The following KLHL7 variants were observed in gnomAD, a reference collection of about 807,000 sequenced individuals.
KLHL7 encodes the protein kelch-like protein 7.
KLHL7 carries 44 observed loss-of-function variants against 67.4 expected under a neutral mutation model. The observed-to-expected ratio is 0.65, with a 90% CI of 0.51 to 0.84. The LOEUF (loss-of-function observed/expected upper bound fraction) is 0.84, where lower values mean the gene tolerates loss of function less well. Among genes scored for constraint, KLHL7 ranks in the 40% least tolerant of loss-of-function variants. KLHL7 has a pLI of 0.00. For missense variants in KLHL7, 362 were observed against 718.1 expected, an observed-to-expected ratio of 0.50 and a Z score of 5.67; for synonymous variants, 252 against 243.3, an observed-to-expected ratio of 1.04 and a Z score of -0.33.
chr7:23,170,876 CAGTT>C (rs895303954), intron 9 of KLHL7, among the ~76,000 whole-genome samples: 4 of 149,952 alleles, frequency 2.7e-5, no homozygotes, highest in African/African-American at 9.8e-5. Context: ...CAATGTGACA[CAGTT>C]TGAGCGGTCA....
At chr7:23,163,259 C>T (rs1016018001) in intron 7 of KLHL7, among the ~76,000 whole-genome samples, 1 of 151,290 alleles carries the variant, frequency 6.6e-6, no homozygotes, top group East Asian at 2.0e-4. Context: ...CAACTTCTGC[C>T]TCCCAGGTTC....
rs556970680 is a variant in KLHL7, at chr7:23,105,795, C to A, written c.-232C>A. 2.3e-5 allele frequency: 13 copies of A among 577,402 alleles called. No individual in the cohort carries two copies. Among genetic ancestry groups the A allele is most frequent in the East Asian group, 3.2e-5 (1 of 31,100 alleles). 35.8% of individuals were successfully genotyped at this position (577,402 alleles called of 1,614,324 possible). ...TCCTGGGCAGGGCTCGGGTTCTGCC[C>A]GGGGACGCAGCCCAGTTGGTAGCGT... On this transcript the variant is annotated 5_prime_UTR_variant, in exon 1 of 11. Coordinates refer to ENST00000339077, the MANE Select transcript of KLHL7 (RefSeq NM_001031710.3).
Position 23,106,095 on chromosome 7 carries a change from A to G in KLHL7, c.69A>G (p.Glu23=), listed in dbSNP as rs2128454618. The change falls in exon 1 of 11, where the codon GAA becomes GAG. Residue 23 remains glutamate, a synonymous_variant. Transcript: ENST00000339077. ...KTEKKLAARE[E]AKLLAGFMGV... ...AGAAGAAACTTGCTGCTCGGGAAGA[A>G]GCTAAATTGTTGGCGGGTTTCATGG... 2 of 1,609,624 alleles carry G rather than the reference A, an allele frequency of 1.2e-6. No individual in the cohort carries two copies. Among genetic ancestry groups the G allele is most frequent in the Non-Finnish European group, 8.5e-7 (1 of 1,178,278 alleles).
chr7:23,156,003 G>A (rs1276411299), intron 7 of KLHL7: 2 of 467,206 alleles, frequency 4.3e-6, no homozygotes, highest in Non-Finnish European at 8.8e-6. Context: ...GAAAAGAGAT[G>A]CATATTCTTC....
chr7:23,137,474 C>T (rs1784018841), intron 4 of KLHL7, among the ~76,000 whole-genome samples: 1 of 146,586 alleles, frequency 6.8e-6, no homozygotes, highest in Non-Finnish European at 1.5e-5. Context: ...AAGGCAGTGA[C>T]CAAAACTGTC....
chr7:23,136,854 T>C (rs1444862504), intron 4 of KLHL7, among the ~76,000 whole-genome samples: 3 of 152,236 alleles, frequency 2.0e-5, no homozygotes, highest in African/African-American at 7.2e-5. Context: ...AACCAAAGTA[T>C]TTCTTAGAAG....
chr7:23,151,097 A>T (rs2390755), intron 6 of KLHL7, among the ~76,000 whole-genome samples: 66,139 of 149,214 alleles, frequency 0.44, 16,418 homozygotes, highest in African/African-American at 0.69. Flanking sequence ...AGTCTGAACA[A>T]TTTTTTCTGG....
intron 1 of KLHL7, among the ~76,000 whole-genome samples, chr7:23,107,781 C>G (rs953349079): frequency 6.6e-6 from 1 of 152,220 alleles, no homozygotes. Flanking sequence ...GCCAGGTTCT[C>G]CTGTTGTCAG....
intron 4 of KLHL7, among the ~76,000 whole-genome samples, chr7:23,134,997 C>A (rs1783927419): frequency 1.3e-5 from 2 of 151,924 alleles, no homozygotes; most frequent in Non-Finnish European, 2.9e-5. Flanking sequence ...TTTGCTCTTG[C>A]TTTTCTAGTT....
rs969209607 is a variant in KLHL7, at chr7:23,176,359, G to C, written c.*2061G>C. 6.6e-6 allele frequency: 1 copy of C among 152,214 alleles called. No individual in the cohort carries two copies. Among genetic ancestry groups the C allele is most frequent in the Non-Finnish European group, 1.5e-5 (1 of 68,092 alleles). The allele number at this position is 152,214 out of a possible 1,614,324, so 9.4% of individuals were successfully genotyped here. ...AGTCTCTGTCTCTGTCTTCGCATGG[G>C]CTTTTTCCCTGTGTGTCTCTGTATC... On this transcript the variant is annotated 3_prime_UTR_variant, in exon 11 of 11. Coordinates refer to ENST00000339077, the MANE Select transcript of KLHL7 (RefSeq NM_001031710.3).
At chr7:23,169,740 G>A (rs1424871975) in intron 9 of KLHL7, among the ~76,000 whole-genome samples, 2 of 152,042 alleles carry the variant, frequency 1.3e-5, no homozygotes, top group African/African-American at 4.8e-5. Context: ...TGAATATTCA[G>A]TTTCAGGAAT....
Position 23,173,028 on chromosome 7 carries a change from G to A in KLHL7, c.1460G>A (p.Gly487Asp), listed in dbSNP as rs1368795633. 2 of 1,613,286 alleles carry A rather than the reference G, an allele frequency of 1.2e-6. No individual in the cohort carries two copies. Among genetic ancestry groups the A allele is most frequent in the South Asian group, 1.1e-5 (1 of 91,062 alleles). Residue 487 changes from glycine (G) to aspartate (D), a missense_variant, in exon 10 of 11, where the codon GGT (glycine) becomes GAT (aspartate). Gly to Asp is a moderately conservative substitution (Grantham distance 94, BLOSUM62 -1). Transcript: ENST00000339077. ...GTAAAAGACAAGATATTTGCTGTGG[G>A]TGGTCAGAATGGTTTAGGTATGTGA... Reference protein sequence around the residue: ...VFVKDKIFAVGGQNGLGGLDN... With the variant: ...VFVKDKIFAVDGQNGLGGLDN...
chr7:23,117,798 A>G (rs1783155952), intron 1 of KLHL7: 1 of 1,555,920 alleles, frequency 6.4e-7, no homozygotes, highest in Non-Finnish European at 8.7e-7. Flanking sequence ...TATTTACCCC[A>G]TCTAATAAGG....
At chr7:23,167,207 G>T (rs985269622) in intron 8 of KLHL7, among the ~76,000 whole-genome samples, 1 of 151,858 alleles carries the variant, frequency 6.6e-6, no homozygotes, top group African/African-American at 2.4e-5. Context: ...ACAGTGTGTA[G>T]AAGTTTCAAA....
intron 4 of KLHL7, chr7:23,125,892 C>T (rs1783552435): frequency 2.0e-6 from 3 of 1,535,070 alleles, no homozygotes; most frequent in Non-Finnish European, 2.6e-6. Context: ...AGGATACGTT[C>T]CAAGACCCCC....
chr7:23,168,117 C>G, intron 9 of KLHL7, 80 bp downstream of exon 9: 1 of 1,360,086 alleles, frequency 7.4e-7, no homozygotes, highest in Non-Finnish European at 1.0e-6. Flanking sequence ...ACCAGAGGAA[C>G]CCAACAGAAG....
chr7:23,156,157 A>C, intron 7 of KLHL7: 1 of 270,984 alleles, frequency 3.7e-6, no homozygotes, highest in Non-Finnish European at 7.5e-6. Context: ...CAATAAAAAC[A>C]TTTTCATTCC....
intron 1 of KLHL7, among the ~76,000 whole-genome samples, chr7:23,115,193 C>T (rs1335729746): frequency 6.6e-6 from 1 of 152,188 alleles, no homozygotes; most frequent in South Asian, 2.1e-4. Flanking sequence ...CCACACTTTC[C>T]GGTATGTTAG....
At chr7:23,156,688 GTAAATTAC>G (rs1422993195) in intron 7 of KLHL7, among the ~76,000 whole-genome samples, 1 of 152,192 alleles carries the variant, frequency 6.6e-6, no homozygotes, top group Non-Finnish European at 1.5e-5. Flanking sequence ...GCCAGAGCCT[GTAAATTAC>G]TAAGGCAGAA....
Sources: allele counts gnomAD v4.1 joint callset (sites outside exome capture counted in the v4.1 genomes callset), GRCh38; gene constraint gnomAD v4.1.1; transcripts MANE v1.5; gene names NCBI Gene and HGNC (gene_info 2026-07-23, HGNC 2026-07-21).